CTNNA3: variants seen among roughly 807,000 people sequenced by gnomAD.
The protein encoded by CTNNA3 is catenin alpha 3, also known as catenin alpha-3.
A neutral mutation model predicts 95.7 loss-of-function variants in CTNNA3; 76 were observed. That is an observed-to-expected ratio of 0.79 (90% CI 0.66 to 0.96). The LOEUF (loss-of-function observed/expected upper bound fraction) is 0.96, where lower values mean the gene tolerates loss of function less well. Among genes scored for constraint, CTNNA3 ranks in the 40% least tolerant of loss-of-function variants. The pLI, the probability that CTNNA3 is intolerant of heterozygous loss-of-function variation, is 0.00. For synonymous variants in CTNNA3, 431 were observed against 374.4 expected, an observed-to-expected ratio of 1.15 and a Z score of -1.74; for missense variants, 1,191 against 1,089.8, an observed-to-expected ratio of 1.09 and a Z score of -1.31.
chr10:67,119,641 A>G (rs1463295570), intron 7 of CTNNA3, among the ~76,000 whole-genome samples: 1 of 151,894 alleles, frequency 6.6e-6, no homozygotes, highest in African/African-American at 2.4e-5. Context: ...TTTAGTATCT[A>G]TGGGTTTTTG....
intron 7 of CTNNA3, among the ~76,000 whole-genome samples, chr10:66,833,954 T>C (rs1842810786): frequency 6.6e-6 from 1 of 152,218 alleles, no homozygotes; most frequent in South Asian, 2.1e-4. Flanking sequence ...AGGCCTTTAC[T>C]GTCAAGAAAA....
At chr10:67,736,692 T>G (rs1010337572) in intron 1 of CTNNA3, among the ~76,000 whole-genome samples, 2 of 151,940 alleles carry the variant, frequency 1.3e-5, no homozygotes, top group Admixed American at 6.6e-5. Context: ...CCTGACCTCG[T>G]GTTCCACCCA....
intron 5 of CTNNA3, among the ~76,000 whole-genome samples, chr10:67,416,285 A>T (rs1468199530): frequency 6.6e-6 from 1 of 152,102 alleles, no homozygotes; most frequent in Non-Finnish European, 1.5e-5. Context: ...GTAAAAAATA[A>T]ATAACAAGCA....
intron 6 of CTNNA3, among the ~76,000 whole-genome samples, chr10:67,211,853 C>A (rs1864152619): frequency 1.3e-5 from 2 of 152,052 alleles, no homozygotes; most frequent in African/African-American, 4.8e-5. Flanking sequence ...TACACAACCT[C>A]ACAGAAGAGT....
intron 11 of CTNNA3, among the ~76,000 whole-genome samples, chr10:66,475,367 C>A (rs1006592724): frequency 1.3e-5 from 2 of 151,914 alleles, no homozygotes; most frequent in African/African-American, 4.8e-5. Flanking sequence ...TTTATTTTTT[C>A]TCTTGTACAT....
chr10:67,098,933 CAT>C lies in CTNNA3; in HGVS notation c.1047+81382_1047+81383del, dbSNP rs780591223. On this transcript the variant is annotated intron_variant, in intron 7 of 17. Coordinates refer to ENST00000433211, the MANE Select transcript of CTNNA3 (RefSeq NM_013266.4). Reference sequence around the variant, plus strand: ...TATTTTGGAAACATTTCAAAGGAAACATATGAATTTGTTTTGCGTTGTGCACT... The same window carrying C: ...TATTTTGGAAACATTTCAAAGGAAACATGAATTTGTTTTGCGTTGTGCACT... 5 of 151,962 alleles carry C rather than the reference CAT, an allele frequency of 3.3e-5. No individual in the cohort carries two copies. In the East Asian group the frequency reaches 7.8e-4, roughly 24 times the overall value. 9.4% of individuals were successfully genotyped at this position (151,962 alleles called of 1,614,324 possible).
At chr10:66,352,118 G>T (rs2092571068) in intron 12 of CTNNA3, among the ~76,000 whole-genome samples, 1 of 151,966 alleles carries the variant, frequency 6.6e-6, no homozygotes, top group African/African-American at 2.4e-5. Flanking sequence ...CACTTGGATG[G>T]GTTTTTAAAT....
chr10:66,250,437 A>G (rs1164797259), intron 13 of CTNNA3, among the ~76,000 whole-genome samples: 1 of 152,196 alleles, frequency 6.6e-6, no homozygotes, highest in Non-Finnish European at 1.5e-5. Flanking sequence ...CAATTTGTTT[A>G]TGACACCAAG....
At chr10:66,458,311 G>A (rs992142620) in intron 11 of CTNNA3, among the ~76,000 whole-genome samples, 3 of 152,032 alleles carry the variant, frequency 2.0e-5, no homozygotes, top group Non-Finnish European at 2.9e-5. Flanking sequence ...TATACTCAAC[G>A]CCATAAATGA....
At position 66,334,352 on chromosome 10, in the gene CTNNA3, G is replaced by T. The variant is rs539259390; in HGVS notation, c.1732+44800C>A. Among the ~76,000 whole-genome samples, 709 of 152,004 alleles carry T rather than the reference G, an allele frequency of 4.7e-3. 11 individuals carry two copies. The highest frequency in any genetic ancestry group is 7.0e-3 in the Non-Finnish European group (475 of 67,918). ...AGTCTTTACAATTTGGCATGTTTTT[G>T]CAGTGGCTGGTACCGGTTGTTCCTT... On this transcript the variant is annotated intron_variant, in intron 12 of 17. Coordinates refer to ENST00000433211, the MANE Select transcript of CTNNA3 (RefSeq NM_013266.4).
chr10:66,229,660 C>T (rs1247540953), intron 13 of CTNNA3, among the ~76,000 whole-genome samples: 2 of 152,062 alleles, frequency 1.3e-5, no homozygotes, highest in African/African-American at 2.4e-5. Context: ...AGATTCTCCC[C>T]TTGTCTTTGG....
At chr10:66,812,280 TA>T in intron 7 of CTNNA3, among the ~76,000 whole-genome samples, 1 of 152,118 alleles carries the variant, frequency 6.6e-6, no homozygotes, top group South Asian at 2.1e-4. Flanking sequence ...GAAAGGAAAA[TA>T]TCTATAAATT....
intron 1 of CTNNA3, among the ~76,000 whole-genome samples, chr10:67,683,897 T>G (rs1330574632): frequency 6.6e-6 from 1 of 152,154 alleles, no homozygotes; most frequent in Non-Finnish European, 1.5e-5. Context: ...TCCCGATGGG[T>G]TCACGGTCTC....
intron 7 of CTNNA3, among the ~76,000 whole-genome samples, chr10:66,817,023 A>G (rs2132279681): frequency 6.6e-6 from 1 of 152,176 alleles, no homozygotes; most frequent in Non-Finnish European, 1.5e-5. Context: ...CACCTAAAGC[A>G]GTTCTTAAAG....
At chr10:66,518,209 G>T (rs1161255810) in intron 11 of CTNNA3, among the ~76,000 whole-genome samples, 1 of 152,088 alleles carries the variant, frequency 6.6e-6, no homozygotes, top group Non-Finnish European at 1.5e-5. Context: ...CGGTATATCA[G>T]GTTAATCTAG....
Position 66,127,020 on chromosome 10 carries a change from G to C in CTNNA3, c.1885-23771C>G, listed in dbSNP as rs565613389. Among the ~76,000 whole-genome samples, 3 of 152,134 alleles carry C rather than the reference G, an allele frequency of 2.0e-5. No individual in the cohort carries two copies. In the East Asian group the frequency reaches 5.8e-4, roughly 30 times the overall value. ...GCGGTGGCTCACACCTGTAATCCCA[G>C]CACTTTGGGAGGCCGAGGTGGATGG... is the stretch of plus-strand genomic sequence containing the variant. On this transcript the variant is annotated intron_variant, in intron 13 of 17. Coordinates refer to ENST00000433211, the MANE Select transcript of CTNNA3 (RefSeq NM_013266.4).
At chr10:66,895,291 G>T (rs1191202911) in intron 7 of CTNNA3, among the ~76,000 whole-genome samples, 3 of 152,062 alleles carry the variant, frequency 2.0e-5, no homozygotes, top group Non-Finnish European at 4.4e-5. Flanking sequence ...TTACAAACCA[G>T]CTGTGTCACT....
intron 7 of CTNNA3, among the ~76,000 whole-genome samples, chr10:66,899,723 C>T (rs566180478): frequency 6.6e-6 from 1 of 152,106 alleles, no homozygotes; most frequent in African/African-American, 2.4e-5. Flanking sequence ...CAGCAGGTAC[C>T]ACGCCCATAG....
intron 14 of CTNNA3, among the ~76,000 whole-genome samples, chr10:66,079,562 C>T (rs983148607): frequency 1.7e-4 from 26 of 151,760 alleles, no homozygotes; most frequent in African/African-American, 6.3e-4. Context: ...GATTTCCCTC[C>T]AAATTGTTTA....
Sources: gnomAD v4.1 joint callset for allele counts (sites outside exome capture counted in the v4.1 genomes callset) on GRCh38, gnomAD v4.1.1 for gene constraint, MANE v1.5 for transcripts, NCBI Gene and HGNC (gene_info 2026-07-23, HGNC 2026-07-21) for gene names.